The following IDH2 variants were observed in gnomAD, a reference collection of about 807,000 sequenced individuals.
The protein encoded by IDH2 is isocitrate dehydrogenase [NADP], mitochondrial.
In IDH2, 18 loss-of-function variants were observed where a neutral mutation model predicts 50.5. The ratio of observed to expected loss-of-function variants is 0.36; its 90% CI spans 0.25 to 0.53. IDH2 has a LOEUF of 0.53. Ranked by LOEUF, IDH2 falls within the 20% of genes least tolerant of loss-of-function variation. The pLI is 0.92. For missense variants in IDH2, 518 were observed against 610.7 expected (o/e 0.85, Z 1.60); for synonymous variants, 280 against 239.8 (o/e 1.17, Z -1.55).
chr15:90,087,315 G>C, intron 6 of IDH2, 52 bp from the exon 7 acceptor site: 1 of 1,613,384 alleles, frequency 6.2e-7, no homozygotes, highest in Non-Finnish European at 8.5e-7. Flanking sequence ...TGACAGGTTG[G>C]GGATCCCTCC....
Position 90,085,310 on chromosome 15 carries a change from C to A in IDH2, c.1045G>T (p.Gly349Trp). 1 of 1,552,244 alleles carries A rather than the reference C, an allele frequency of 6.4e-7. No homozygotes were observed. Among genetic ancestry groups the A allele is most frequent in the Non-Finnish European group, 8.7e-7 (1 of 1,147,310 alleles). Residue 349 changes from glycine to tryptophan, a missense_variant, in exon 8 of 11, where the codon GGG becomes TGG. Coordinates refer to ENST00000330062, the MANE Select transcript of IDH2 (RefSeq NM_002168.4). This position sits in a 1 kb window ranked among gnomAD's most constrained non-coding sequence, Gnocchi z 5.5. ...TCCCGATAGTGGCGGGTGACGGTCC[C>A]ATGAGCGGCCTCAGCCTCAATCGTC... ...GKTIEAEAAHGTVTRHYREHQ... is the reference protein window; with the variant it reads ...GKTIEAEAAHWTVTRHYREHQ...
intron 1 of IDH2, among the ~76,000 whole-genome samples, chr15:90,099,299 C>G (rs1381620624): frequency 6.6e-6 from 1 of 152,200 alleles, no homozygotes; most frequent in African/African-American, 2.4e-5. Flanking sequence ...ACCATCCTCT[C>G]TGCTCTTCCA....
intron 1 of IDH2, among the ~76,000 whole-genome samples, chr15:90,094,055 C>T (rs935670458): frequency 4.6e-5 from 7 of 152,182 alleles, no homozygotes; most frequent in African/African-American, 1.7e-4. Flanking sequence ...CTTACAGCAC[C>T]TGCGAATGGA....
At chr15:90,099,027 C>T (rs1366514030) in intron 1 of IDH2, among the ~76,000 whole-genome samples, 1 of 152,088 alleles carries the variant, frequency 6.6e-6, no homozygotes, top group Non-Finnish European at 1.5e-5. Flanking sequence ...ACTACTGGCT[C>T]CTCCTTCAAA....
intron 5 of IDH2, among the ~76,000 whole-genome samples, chr15:90,087,778 C>A (rs1034158653): frequency 2.0e-5 from 3 of 149,804 alleles, no homozygotes; most frequent in African/African-American, 2.5e-5. Context: ...TAAAACACCG[C>A]CTTTTTTTTT....
At chr15:90,092,182 T>G (rs1002768391) in intron 1 of IDH2, among the ~76,000 whole-genome samples, 1 of 152,168 alleles carries the variant, frequency 6.6e-6, no homozygotes, top group Admixed American at 6.6e-5. Flanking sequence ...AGAAATAAAG[T>G]GCACAATAAA....
In IDH2 at chr15:90,098,531, C is replaced by CATGTATGTATGT. The variant is rs1555462242; in HGVS notation, c.115+3733_115+3744dup. The stretch of plus-strand genomic sequence containing the variant: ...GTATGTATGTATGTATGTATGCATG[C>CATGTATGTATGT]ATGTATGTATGTATGTATGTATGTA... On this transcript the variant is annotated intron_variant, in intron 1 of 10. Coordinates refer to ENST00000330062, the MANE Select transcript of IDH2 (RefSeq NM_002168.4). This position sits in a 1 kb window ranked among gnomAD's most constrained non-coding sequence, Gnocchi z 5.1. Among the ~76,000 whole-genome samples the CATGTATGTATGT allele has an allele frequency of 7.2e-5, 10 of 138,354 alleles. No individual in the cohort carries two copies. Among genetic ancestry groups the CATGTATGTATGT allele is most frequent in the African/African-American group, 2.7e-4 (10 of 36,726 alleles). 90.8% of individuals were successfully genotyped at this position (138,354 alleles called of 152,430 possible). A position where few individuals can be genotyped will look rare whatever the true frequency, so the allele number is the denominator to read the frequency against.
intron 3 of IDH2, among the ~76,000 whole-genome samples, 159 bp from the exon 4 acceptor site, chr15:90,088,906 ATT>A (rs57901991): frequency 0.011 from 1,086 of 96,466 alleles, 18 homozygotes; most frequent in African/African-American, 0.039. Flanking sequence ...GAGTCTGCCA[ATT>A]TTTTTTTTTT....
chr15:90,091,055 GCA>G (rs34687144), intron 2 of IDH2, among the ~76,000 whole-genome samples: 54,765 of 151,924 alleles, frequency 0.36, 10,916 homozygotes, highest in Non-Finnish European at 0.47. Flanking sequence ...TCCCATGAAC[GCA>G]CACACAGTGT....
chr15:90,100,669 C>T lies in IDH2; in HGVS notation c.115+1607G>A, dbSNP rs979082125. On this transcript the variant is annotated intron_variant, in intron 1 of 10. Coordinates refer to ENST00000330062, the MANE Select transcript of IDH2 (RefSeq NM_002168.4). This position sits in a 1 kb window ranked among gnomAD's most constrained non-coding sequence, Gnocchi z 4.1. ...TACCAGGCAGCAAAGACACGGGGCT[C>T]TTTTAGCCCCAAAATATTCTTTCCT... The T allele has an allele frequency of 8.1e-6, 8 of 984,424 alleles. No homozygotes were observed. Among genetic ancestry groups the T allele is most frequent in the Non-Finnish European group, 9.6e-6 (8 of 829,152 alleles). The allele number at this position is 984,424 out of a possible 1,614,324, so 61.0% of individuals were successfully genotyped here.
intron 1 of IDH2, among the ~76,000 whole-genome samples, chr15:90,097,728 T>G (rs1033728506): frequency 9.9e-5 from 15 of 152,138 alleles, no homozygotes; most frequent in African/African-American, 3.4e-4. Context: ...GGTGACAAAG[T>G]TCTGGTGATG....
Position 90,085,129 on chromosome 15 carries a change from GC to G in IDH2, c.1081-32del, listed in dbSNP as rs762428788. 16 of 1,603,416 alleles carry G rather than the reference GC, an allele frequency of 1.0e-5. No homozygotes were observed. The South Asian group carries it at 1.8e-4, about 18-fold the overall frequency. ...GACGGGGGTTGCAGGGAGATCAAGA[GC>G]CGAGCCAGCTAGTGAGGAGGCTGCC... is the stretch of plus-strand genomic sequence containing the variant. On this transcript the variant is annotated intron_variant, in intron 8 of 10. Coordinates refer to ENST00000330062, the MANE Select transcript of IDH2 (RefSeq NM_002168.4). The surrounding 1 kb of genome is among the most constrained non-coding windows in gnomAD (Gnocchi z 5.5).
Position 90,084,745 on chromosome 15 carries a change from GA to G in IDH2, c.1271+70del. 8.1e-7 allele frequency: 1 copy of G among 1,233,136 alleles called. No homozygotes were observed. The highest frequency in any genetic ancestry group is 2.3e-5 in the East Asian group (1 of 43,210). 76.4% of individuals were successfully genotyped at this position (1,233,136 alleles called of 1,614,324 possible). A position where few individuals can be genotyped will look rare whatever the true frequency, so the allele number is the denominator to read the frequency against. ...TGCAGCTAAGCTGACTCATGAGGGG[GA>G]CTTTAGGAGGGGTCCCCTGGCTTCC... On this transcript the variant is annotated intron_variant, in intron 10 of 10. Coordinates refer to ENST00000330062, the MANE Select transcript of IDH2 (RefSeq NM_002168.4). The surrounding 1 kb of genome is among the most constrained non-coding windows in gnomAD (Gnocchi z 5.0).
In IDH2 at chr15:90,084,281, G is replaced by A. The variant is rs1596071406; in HGVS notation, c.1344C>T (p.Ala448=). ...GCGCCTCCCCCTACTGCCTGCCCAGGGCTCTGTCCAGGTTGCTCTTGATGG... is the reference window on the plus strand; with the variant it reads ...GCGCCTCCCCCTACTGCCTGCCCAGAGCTCTGTCCAGGTTGCTCTTGATGG... ...LDTIKSNLDR[A]LGRQ The change falls in exon 11 of 11, where the codon GCC becomes GCT. Residue 448 remains alanine (A), a synonymous_variant. Transcript: ENST00000330062. This position sits in a 1 kb window ranked among gnomAD's most constrained non-coding sequence, Gnocchi z 5.0. 2 of 1,613,952 alleles carry A rather than the reference G, an allele frequency of 1.2e-6. No homozygotes were observed. The highest frequency in any genetic ancestry group is 1.1e-5 in the South Asian group (1 of 91,068).
At position 90,085,095 on chromosome 15, in the gene IDH2, G is replaced by C. The variant is rs368451876; in HGVS notation, c.1084C>G (p.Arg362Gly). ...GCGATGGGGTTGGTGCTGGTGGGCC[G>C]GCCCTGGGGACGGGGGTTGCAGGGA... ...TRHYREHQKG[R>G]PTSTNPIASI... The change falls in exon 9 of 11, where the codon CGG becomes GGG. Residue 362 changes from arginine to glycine, a missense_variant. Physicochemically the swap from Arg to Gly is moderately radical, Grantham distance 125 (BLOSUM62 -2). Transcript: ENST00000330062. The surrounding 1 kb of genome is among the most constrained non-coding windows in gnomAD (Gnocchi z 5.5). 2 of 1,613,490 alleles carry C rather than the reference G, an allele frequency of 1.2e-6. No individual in the cohort carries two copies. The highest frequency in any genetic ancestry group is 2.7e-5 in the African/African-American group (2 of 74,922).
Position 90,085,958 on chromosome 15 carries a change from A to G in IDH2, c.968-571T>C, listed in dbSNP as rs1432838473. Reference sequence around the variant, plus strand: ...TAAGGATTGAAGAAAGAAAACATGGACAACATCTACAGGAAAATGCTTTGT... The same window carrying G: ...TAAGGATTGAAGAAAGAAAACATGGGCAACATCTACAGGAAAATGCTTTGT... On this transcript the variant is annotated intron_variant, in intron 7 of 10. Coordinates refer to ENST00000330062, the MANE Select transcript of IDH2 (RefSeq NM_002168.4). The surrounding 1 kb of genome is among the most constrained non-coding windows in gnomAD (Gnocchi z 5.5). 6.6e-6 allele frequency among the ~76,000 whole-genome samples: 1 copy of G among 152,226 alleles called. No homozygotes were observed. The highest frequency in any genetic ancestry group is 1.5e-5 in the Non-Finnish European group (1 of 68,034).
intron 1 of IDH2, among the ~76,000 whole-genome samples, chr15:90,101,710 G>A (rs1901336744): frequency 6.6e-6 from 1 of 152,154 alleles, no homozygotes; most frequent in East Asian, 1.9e-4. Flanking sequence ...AACAAAAGGG[G>A]AAAATTAAAA....
Position 90,088,491 on chromosome 15 carries a change from T to G in IDH2, c.546A>C (p.Thr182=), listed in dbSNP as rs1330650667. The G allele has an allele frequency of 1.2e-6, 2 of 1,614,198 alleles. No homozygotes were observed. The highest frequency in any genetic ancestry group is 4.5e-5 in the East Asian group (2 of 44,880). ...TGCCGGCCCGGTCTGCCACAAAGTC[T>G]GTGGCCTTGTACTGCAGAGACAAGA... ...RHAHGDQYKA[T]DFVADRAGTF... The change falls in exon 5 of 11, where the codon ACA becomes ACC. Residue 182 remains threonine, a synonymous_variant. Transcript: ENST00000330062.
At chr15:90,088,204 T>A (rs1029691432) in intron 5 of IDH2, among the ~76,000 whole-genome samples, 155 bp downstream of exon 5, 14 of 152,198 alleles carry the variant, frequency 9.2e-5, no homozygotes, top group South Asian at 8.3e-4. Context: ...AATGCCGGGA[T>A]TACAAGTGTC....
Sources: gnomAD v4.1 joint callset for allele counts (sites outside exome capture counted in the v4.1 genomes callset) on GRCh38, gnomAD v4.1.1 for gene constraint, Gnocchi (gnomAD v3.1) non-coding constraint, MANE v1.5 for transcripts, NCBI Gene and HGNC (gene_info 2026-07-23, HGNC 2026-07-21) for gene names.